Variants in ADIPOR2 observed in about 807,000 individuals in gnomAD.
ADIPOR2 encodes adiponectin receptor 2, also known as adiponectin receptor protein 2.
In ADIPOR2, 18 loss-of-function variants were observed where a neutral mutation model predicts 40.9. The ratio of observed to expected loss-of-function variants is 0.44; its 90% CI spans 0.30 to 0.65. The LOEUF is 0.65. ADIPOR2 is among the 30% of genes least tolerant of loss of function. ADIPOR2 has a pLI of 0.09. For synonymous variants in ADIPOR2, 165 were observed against 166.4 expected (o/e 0.99, Z 0.06); for missense variants, 283 against 479.2 (o/e 0.59, Z 3.82).
chr12:1,757,864 T>C, intron 2 of ADIPOR2: 3 of 822,502 alleles, frequency 3.6e-6, no homozygotes, highest in South Asian at 2.7e-5. Context: ...TACTTAAGTC[T>C]GTTCCTTAGG....
intron 1 of ADIPOR2, among the ~76,000 whole-genome samples, chr12:1,724,429 G>A (rs566708014): frequency 6.6e-6 from 1 of 152,210 alleles, no homozygotes; most frequent in East Asian, 1.9e-4. Flanking sequence ...CTTTAATGAG[G>A]TACTTAGAGT....
chr12:1,748,287 C>T lies in ADIPOR2; in HGVS notation c.-86-5971C>T, dbSNP rs373090709. Among the ~76,000 whole-genome samples the T allele has an allele frequency of 1.6e-3, 238 of 152,186 alleles. 2 individuals carry two copies. Among genetic ancestry groups the T allele is most frequent in the South Asian group, 8.5e-3 (41 of 4,812 alleles). On this transcript the variant is annotated intron_variant, in intron 1 of 7. Coordinates refer to ENST00000357103, the MANE Select transcript of ADIPOR2 (RefSeq NM_024551.3). ...TTTTAGAGACGGAGTCTCTCTCTGT[C>T]GCCCAGGCTGGAGTGCAGTGGCGCG...
intron 1 of ADIPOR2, among the ~76,000 whole-genome samples, chr12:1,691,671 G>C (rs1457840156): frequency 6.6e-6 from 1 of 152,210 alleles, no homozygotes; most frequent in Non-Finnish European, 1.5e-5. Context: ...GTGGGGAAGA[G>C]TTCCCTCACC....
chr12:1,773,002 A>G, intron 3 of ADIPOR2, 41 bp downstream of exon 3: 1 of 1,598,876 alleles, frequency 6.3e-7, no homozygotes, highest in Non-Finnish European at 8.5e-7. Flanking sequence ...CTATATATTT[A>G]GCCCTTCCAA....
chr12:1,724,895 TATTC>T (rs1255701772), intron 1 of ADIPOR2, among the ~76,000 whole-genome samples: 1 of 152,102 alleles, frequency 6.6e-6, no homozygotes, highest in Non-Finnish European at 1.5e-5. Flanking sequence ...CTCCTTTCAG[TATTC>T]ATTCATTCAT....
chr12:1,755,945 T>C (rs1181088706), intron 2 of ADIPOR2, among the ~76,000 whole-genome samples: 1 of 152,084 alleles, frequency 6.6e-6, no homozygotes, highest in East Asian at 1.9e-4. Context: ...CATTTCTTAC[T>C]ACGGGTTGTG....
chr12:1,748,299 A>G (rs2094760489), intron 1 of ADIPOR2, among the ~76,000 whole-genome samples: 1 of 151,988 alleles, frequency 6.6e-6, no homozygotes, highest in Non-Finnish European at 1.5e-5. Flanking sequence ...CCCAGGCTGG[A>G]GTGCAGTGGC....
At chr12:1,719,156 GT>G (rs201549939) in intron 1 of ADIPOR2, among the ~76,000 whole-genome samples, 67 of 148,046 alleles carry the variant, frequency 4.5e-4, no homozygotes, top group African/African-American at 1.5e-3. Context: ...TGCTTTTTCA[GT>G]TTTTTTTTTG....
chr12:1,770,141 C>T (rs1438961630), intron 2 of ADIPOR2, among the ~76,000 whole-genome samples: 4 of 152,234 alleles, frequency 2.6e-5, no homozygotes, highest in East Asian at 1.9e-4. Flanking sequence ...AGGCTGGTCT[C>T]GAGCTCCTGG....
chr12:1,753,344 A>G (rs891524035), intron 1 of ADIPOR2, among the ~76,000 whole-genome samples: 5 of 152,234 alleles, frequency 3.3e-5, no homozygotes, highest in African/African-American at 9.6e-5. Context: ...CAAGGACTTG[A>G]AAAGCTTGAA....
At chr12:1,758,429 CA>C (rs1862194621) in intron 2 of ADIPOR2, among the ~76,000 whole-genome samples, 1 of 152,208 alleles carries the variant, frequency 6.6e-6, no homozygotes, top group Non-Finnish European at 1.5e-5. Context: ...CTTCCAAAAT[CA>C]TCTTGTTTGC....
chr12:1,773,508 A>G (rs1862527555), intron 3 of ADIPOR2, among the ~76,000 whole-genome samples: 2 of 132,076 alleles, frequency 1.5e-5, no homozygotes, highest in South Asian at 5.1e-4. Context: ...AGGACCTATT[A>G]TGGGATTCTT....
At chr12:1,777,245 G>A (rs904883753) in intron 3 of ADIPOR2, among the ~76,000 whole-genome samples, 1 of 152,150 alleles carries the variant, frequency 6.6e-6, no homozygotes, top group East Asian at 1.9e-4. Flanking sequence ...GTCAGTATGA[G>A]TGAGACTTTG....
At chr12:1,775,650 T>G (rs1045803160) in intron 3 of ADIPOR2, among the ~76,000 whole-genome samples, 1 of 152,188 alleles carries the variant, frequency 6.6e-6, no homozygotes, top group African/African-American at 2.4e-5. Context: ...TCTGTCTTCC[T>G]CTCCCTCTCA....
In ADIPOR2 at chr12:1,766,195, A is replaced by G. The variant is rs564867134; in HGVS notation, c.172-6647A>G. Among the ~76,000 whole-genome samples, 6 of 152,336 alleles carry G rather than the reference A, an allele frequency of 3.9e-5. No homozygotes were observed. In the East Asian group the frequency reaches 1.2e-3, roughly 29 times the overall value. ...TGCAAATGGATTTAGCTAAGAAAGGACTAAAGGACATTTTAGACAAAGGGA... is the reference window on the plus strand; with the variant it reads ...TGCAAATGGATTTAGCTAAGAAAGGGCTAAAGGACATTTTAGACAAAGGGA... On this transcript the variant is annotated intron_variant, in intron 2 of 7. Transcript: ENST00000357103.
chr12:1,773,722 CTT>C (rs761566888), intron 3 of ADIPOR2, among the ~76,000 whole-genome samples: 1 of 152,050 alleles, frequency 6.6e-6, no homozygotes, highest in African/African-American at 2.4e-5. Flanking sequence ...CTGGAGAACT[CTT>C]TATTATTTAG....
At chr12:1,713,141 G>A (rs1376440091) in intron 1 of ADIPOR2, among the ~76,000 whole-genome samples, 1 of 152,122 alleles carries the variant, frequency 6.6e-6, no homozygotes, top group Non-Finnish European at 1.5e-5. Flanking sequence ...TGGGACGTGT[G>A]ATCTGTAGGA....
intron 1 of ADIPOR2, among the ~76,000 whole-genome samples, chr12:1,739,740 T>G (rs1336633254): frequency 6.6e-6 from 1 of 152,218 alleles, no homozygotes; most frequent in East Asian, 1.9e-4. Flanking sequence ...TTTAGAGTGT[T>G]ATGAGCACTG....
chr12:1,747,514 G>A (rs540873053), intron 1 of ADIPOR2, among the ~76,000 whole-genome samples: 3 of 152,006 alleles, frequency 2.0e-5, no homozygotes, highest in Non-Finnish European at 4.4e-5. Flanking sequence ...TTTCTTTTTT[G>A]TTGGGCGGTG....
Sources: gnomAD v4.1 joint callset for allele counts (sites outside exome capture counted in the v4.1 genomes callset) on GRCh38, gnomAD v4.1.1 for gene constraint, MANE v1.5 for transcripts, NCBI Gene and HGNC (gene_info 2026-07-23, HGNC 2026-07-21) for gene names.